The following SLC2A13 variants were observed in gnomAD, a reference collection of about 807,000 sequenced individuals.
The protein encoded by SLC2A13 is proton myo-inositol cotransporter.
In SLC2A13, 32 loss-of-function variants were observed where a neutral mutation model predicts 64.4. The observed-to-expected ratio is 0.50, with a 90% CI of 0.37 to 0.67. SLC2A13 has a LOEUF of 0.67. SLC2A13 is among the 30% of genes least tolerant of loss of function. The pLI is 0.00. For synonymous variants in SLC2A13, 338 were observed against 327.1 expected (o/e 1.03, Z -0.36); for missense variants, 743 against 829.2 (o/e 0.90, Z 1.28).
chr12:39,909,858 T>G (rs955779106), intron 4 of SLC2A13, among the ~76,000 whole-genome samples: 3 of 150,874 alleles, frequency 2.0e-5, no homozygotes, highest in Non-Finnish European at 4.4e-5. Context: ...TCTTACAGTT[T>G]GTTTTTTTTT....
In SLC2A13 at chr12:40,105,833, G is replaced by T; in HGVS notation, c.-25C>A. ...TAGGGCAGGGGCCCGGGGCTGCCCG[G>T]GGGGACGCGGCTCCGCGGGCCGGCA... On this transcript the variant is annotated 5_prime_UTR_variant, in exon 1 of 10. Coordinates refer to ENST00000280871, the MANE Select transcript of SLC2A13 (RefSeq NM_052885.4). This position sits in a 1 kb window ranked among gnomAD's most constrained non-coding sequence, Gnocchi z 4.2. 2.9e-6 allele frequency: 4 copies of T among 1,392,864 alleles called. No homozygotes were observed. Among genetic ancestry groups the T allele is most frequent in the South Asian group, 1.7e-5 (1 of 60,504 alleles). The allele number at this position is 1,392,864 out of a possible 1,614,324, so 86.3% of individuals were successfully genotyped here. A position where few individuals can be genotyped will look rare whatever the true frequency, so the allele number is the denominator to read the frequency against.
At chr12:39,988,809 T>G (rs1947081985) in intron 3 of SLC2A13, among the ~76,000 whole-genome samples, 2 of 151,960 alleles carry the variant, frequency 1.3e-5, no homozygotes, top group Admixed American at 1.3e-4. Flanking sequence ...ATTTTTATCA[T>G]ATATAAGTCA....
chr12:40,057,466 T>C (rs1234953611), intron 1 of SLC2A13, among the ~76,000 whole-genome samples: 1 of 152,162 alleles, frequency 6.6e-6, no homozygotes, highest in East Asian at 1.9e-4. Context: ...TGAAATGACA[T>C]AGAGCAACAA....
At chr12:39,834,877 C>T (rs1347359088) in intron 6 of SLC2A13, among the ~76,000 whole-genome samples, 1 of 152,018 alleles carries the variant, frequency 6.6e-6, no homozygotes, top group Non-Finnish European at 1.5e-5. Flanking sequence ...CTTTAAATAT[C>T]CTGGGGAATC....
At chr12:39,837,873 A>G (rs1010470561) in intron 6 of SLC2A13, among the ~76,000 whole-genome samples, 2 of 151,226 alleles carry the variant, frequency 1.3e-5, no homozygotes, top group African/African-American at 4.8e-5. Context: ...AGAAATAGAA[A>G]CACTTTTACA....
chr12:39,796,828 A>G (rs1440528876), intron 7 of SLC2A13, among the ~76,000 whole-genome samples: 1 of 152,160 alleles, frequency 6.6e-6, no homozygotes, highest in Non-Finnish European at 1.5e-5. Context: ...TATTTTTAAT[A>G]ATGATAATGC....
At chr12:39,830,553 C>T in intron 6 of SLC2A13, 1 of 965,426 alleles carries the variant, frequency 1.0e-6, no homozygotes, top group Non-Finnish European at 1.3e-6. Context: ...AGATTTGTTA[C>T]CAAACTGTAG....
At chr12:39,905,774 A>G (rs1945257164) in intron 4 of SLC2A13, among the ~76,000 whole-genome samples, 1 of 151,238 alleles carries the variant, frequency 6.6e-6, no homozygotes, top group Non-Finnish European at 1.5e-5. Flanking sequence ...GTCTGCCACA[A>G]ATTGAAACAG....
At chr12:40,030,141 T>C (rs142507030) in intron 2 of SLC2A13, among the ~76,000 whole-genome samples, 1 of 152,290 alleles carries the variant, frequency 6.6e-6, no homozygotes, top group Admixed American at 6.5e-5. Context: ...TATGACAATA[T>C]CTTAGGTAAC....
intron 1 of SLC2A13, among the ~76,000 whole-genome samples, chr12:40,062,550 ACTCT>A (rs1221122682): frequency 1.3e-5 from 2 of 152,092 alleles, no homozygotes; most frequent in Non-Finnish European, 2.9e-5. Context: ...TAAAACATCA[ACTCT>A]CTAAGATATT....
chr12:39,821,543 T>A (rs1390580935), intron 7 of SLC2A13, among the ~76,000 whole-genome samples: 1 of 152,206 alleles, frequency 6.6e-6, no homozygotes, highest in African/African-American at 2.4e-5. Flanking sequence ...AAACCCAAGC[T>A]TAATGCGTTG....
chr12:39,771,704 T>TATCA (rs1339367122), intron 7 of SLC2A13, among the ~76,000 whole-genome samples: 1 of 152,086 alleles, frequency 6.6e-6, no homozygotes, highest in Non-Finnish European at 1.5e-5. Context: ...TTCCTGCTCC[T>TATCA]ATCATTCCTT....
intron 2 of SLC2A13, among the ~76,000 whole-genome samples, chr12:40,038,654 C>G (rs1294362520): frequency 2.0e-5 from 3 of 151,000 alleles, no homozygotes; most frequent in Non-Finnish European, 2.9e-5. Context: ...TCACTTGAGC[C>G]CAGGAGGTCG....
At chr12:39,800,282 A>G (rs533834394) in intron 7 of SLC2A13, among the ~76,000 whole-genome samples, 1 of 152,342 alleles carries the variant, frequency 6.6e-6, no homozygotes, top group African/African-American at 2.4e-5. Flanking sequence ...ATAGGAATGC[A>G]ACTTATTCTG....
At chr12:39,836,557 T>C (rs1052825110) in intron 6 of SLC2A13, among the ~76,000 whole-genome samples, 2 of 151,072 alleles carry the variant, frequency 1.3e-5, no homozygotes, top group Admixed American at 6.6e-5. Flanking sequence ...TTGTCCCTGT[T>C]TGCAGACGAT....
intron 7 of SLC2A13, among the ~76,000 whole-genome samples, chr12:39,823,294 C>A (rs1942577047): frequency 6.6e-6 from 1 of 152,144 alleles, no homozygotes; most frequent in Non-Finnish European, 1.5e-5. Flanking sequence ...AATTTAGGAA[C>A]ACAGCTGGAG....
chr12:40,007,061 C>A (rs1947434679), intron 3 of SLC2A13, among the ~76,000 whole-genome samples: 1 of 152,130 alleles, frequency 6.6e-6, no homozygotes. Context: ...GTGTGTTCAA[C>A]TTTCGTTTCT....
chr12:39,945,101 T>A lies in SLC2A13; in HGVS notation c.1034+6156A>T, dbSNP rs375353649. 3.3e-5 allele frequency among the ~76,000 whole-genome samples: 5 copies of A among 152,308 alleles called. No homozygotes were observed. In the East Asian group the frequency reaches 7.7e-4, roughly 24 times the overall value. Reference sequence around the variant, plus strand: ...ATTTGTTTGTCTGAAAATGACTGTATCCTTCCTTCATATATGATGCTTAGT... The same window carrying A: ...ATTTGTTTGTCTGAAAATGACTGTAACCTTCCTTCATATATGATGCTTAGT... On this transcript the variant is annotated intron_variant, in intron 4 of 9. Transcript: ENST00000280871.
intron 3 of SLC2A13, among the ~76,000 whole-genome samples, chr12:39,990,357 A>G (rs754904742): frequency 1.3e-5 from 2 of 152,232 alleles, no homozygotes; most frequent in Non-Finnish European, 2.9e-5. Flanking sequence ...TAACATTCAC[A>G]TGAGAGATAA....
Sources: gnomAD v4.1 joint callset for allele counts (sites outside exome capture counted in the v4.1 genomes callset) on GRCh38, gnomAD v4.1.1 for gene constraint, Gnocchi (gnomAD v3.1) non-coding constraint, MANE v1.5 for transcripts, NCBI Gene and HGNC (gene_info 2026-07-23, HGNC 2026-07-21) for gene names.